FAM210A: variants seen among roughly 807,000 people sequenced by gnomAD.
FAM210A encodes family with sequence similarity 210 member A.
In FAM210A, 13 loss-of-function variants were observed where a neutral mutation model predicts 25.3. The observed-to-expected ratio is 0.51, with a 90% CI of 0.33 to 0.82. The LOEUF is 0.82. Among genes scored for constraint, FAM210A ranks in the 40% least tolerant of loss-of-function variants. The pLI is 0.02. For synonymous variants in FAM210A, 125 were observed against 118.7 expected (o/e 1.05, Z -0.35); for missense variants, 319 against 323.2 (o/e 0.99, Z 0.10).
At position 13,679,598 on chromosome 18, in the gene FAM210A, C is replaced by T. The variant is rs199634542; in HGVS notation, c.473+2007G>A. On this transcript the variant is annotated intron_variant, in intron 2 of 3. Coordinates refer to ENST00000651643, the MANE Select transcript of FAM210A (RefSeq NM_152352.4). ...CATCCTGCCCATTATAAATTCTCTA[C>T]GTGATGCTATGACAGAATTGACCCA... is the stretch of plus-strand genomic sequence containing the variant. Among the ~76,000 whole-genome samples, 4 of 152,258 alleles carry T rather than the reference C, an allele frequency of 2.6e-5. No individual in the cohort carries two copies. In the East Asian group the frequency reaches 7.7e-4, roughly 29 times the overall value.
chr18:13,720,501 T>G (rs2043890212), intron 1 of FAM210A, among the ~76,000 whole-genome samples: 1 of 152,160 alleles, frequency 6.6e-6, no homozygotes, highest in South Asian at 2.1e-4. Context: ...CCTACACTAC[T>G]CCAGTGGACC....
intron 2 of FAM210A, among the ~76,000 whole-genome samples, chr18:13,677,561 A>G (rs932968398): frequency 3.3e-5 from 5 of 152,242 alleles, no homozygotes; most frequent in Admixed American, 6.5e-5. Context: ...TAATTTACAG[A>G]TAACAGATTA....
At chr18:13,677,424 C>T (rs1465880619) in intron 2 of FAM210A, among the ~76,000 whole-genome samples, 3 of 152,080 alleles carry the variant, frequency 2.0e-5, no homozygotes, top group Non-Finnish European at 4.4e-5. Context: ...GTGAGAGGGT[C>T]GTGATCGACT....
chr18:13,667,545 CCA>C (rs2043410313), intron 3 of FAM210A, among the ~76,000 whole-genome samples: 1 of 151,856 alleles, frequency 6.6e-6, no homozygotes, highest in African/African-American at 2.4e-5. Flanking sequence ...ATGGTGAAAC[CCA>C]GTCTCTAATA....
chr18:13,698,351 C>CAAAAAAAAAAAAA (rs11464991), intron 1 of FAM210A, among the ~76,000 whole-genome samples: 2 of 72,944 alleles, frequency 2.7e-5, no homozygotes, highest in East Asian at 3.9e-4. Flanking sequence ...GACTCCATCT[C>CAAAAAAAAAAAAA]AAAAAAAAAA....
intron 3 of FAM210A, among the ~76,000 whole-genome samples, chr18:13,667,465 T>A (rs999709214): frequency 1.3e-5 from 2 of 152,216 alleles, no homozygotes; most frequent in African/African-American, 2.4e-5. Flanking sequence ...ATGCCTGTAA[T>A]CCCAGCACTT....
chr18:13,708,406 GC>G (rs1240554717), intron 1 of FAM210A, among the ~76,000 whole-genome samples: 1 of 152,182 alleles, frequency 6.6e-6, no homozygotes, highest in Non-Finnish European at 1.5e-5. Context: ...CTAATCTCCA[GC>G]CCTAGCCTTT....
At chr18:13,671,281 C>T (rs1382748024) in intron 3 of FAM210A, among the ~76,000 whole-genome samples, 1 of 152,050 alleles carries the variant, frequency 6.6e-6, no homozygotes, top group Non-Finnish European at 1.5e-5. Flanking sequence ...CTCCTTAAAA[C>T]CACACACAAA....
At chr18:13,684,112 C>T (rs946146901) in intron 1 of FAM210A, among the ~76,000 whole-genome samples, 6 of 152,146 alleles carry the variant, frequency 3.9e-5, no homozygotes, top group African/African-American at 1.4e-4. Context: ...AAAAGTGATA[C>T]TGGGCTGGGA....
At chr18:13,677,400 C>CT (rs1568477968) in intron 2 of FAM210A, among the ~76,000 whole-genome samples, 1 of 152,158 alleles carries the variant, frequency 6.6e-6, no homozygotes, top group East Asian at 1.9e-4. Flanking sequence ...GCTTACAACT[C>CT]TAAGGGGGTC....
At chr18:13,699,087 G>A (rs775614459) in intron 1 of FAM210A, among the ~76,000 whole-genome samples, 16 of 152,154 alleles carry the variant, frequency 1.1e-4, no homozygotes, top group African/African-American at 3.9e-4. Flanking sequence ...GATTACAGGC[G>A]TGAGCCACCG....
intron 1 of FAM210A, among the ~76,000 whole-genome samples, chr18:13,695,770 G>A (rs955143849): frequency 6.6e-6 from 1 of 151,794 alleles, no homozygotes; most frequent in Non-Finnish European, 1.5e-5. Flanking sequence ...TAAATGACGA[G>A]TTAATGGGTG....
intron 1 of FAM210A, among the ~76,000 whole-genome samples, chr18:13,718,086 C>A (rs2043874528): frequency 6.6e-6 from 1 of 152,092 alleles, no homozygotes; most frequent in South Asian, 2.1e-4. Flanking sequence ...GAGAATGCAG[C>A]CTGCTTGACA....
intron 1 of FAM210A, among the ~76,000 whole-genome samples, chr18:13,722,895 G>A (rs2043908351): frequency 6.6e-6 from 1 of 150,840 alleles, no homozygotes; most frequent in Non-Finnish European, 1.5e-5. Flanking sequence ...TCAGGTTGGA[G>A]TGCAGTGGTG....
At chr18:13,687,441 G>GA (rs1489869851) in intron 1 of FAM210A, among the ~76,000 whole-genome samples, 2 of 152,166 alleles carry the variant, frequency 1.3e-5, no homozygotes, top group African/African-American at 4.8e-5. Context: ...GCACCAGGGA[G>GA]AAGCAAAAAG....
At position 13,681,595 on chromosome 18, in the gene FAM210A, A is replaced by C; in HGVS notation, c.473+10T>G. On this transcript the variant is annotated intron_variant, in intron 2 of 3. Transcript: ENST00000651643. ...GACAGGGAAAGACATTCAACTAAGC[A>C]AAAACTTACTTCAAGGCTGCATAAT... The C allele has an allele frequency of 6.4e-7, 1 of 1,574,730 alleles. No individual in the cohort carries two copies. The highest frequency in any genetic ancestry group is 8.6e-7 in the Non-Finnish European group (1 of 1,163,284).
At chr18:13,696,669 A>C (rs2043696830) in intron 1 of FAM210A, among the ~76,000 whole-genome samples, 1 of 152,222 alleles carries the variant, frequency 6.6e-6, no homozygotes, top group Non-Finnish European at 1.5e-5. Flanking sequence ...GGGTAGGCCC[A>C]GGCTAATGTG....
intron 3 of FAM210A, among the ~76,000 whole-genome samples, chr18:13,667,590 G>A (rs1451605448): frequency 6.6e-6 from 1 of 152,102 alleles, no homozygotes; most frequent in African/African-American, 2.4e-5. Flanking sequence ...GTGGTGGCAG[G>A]CACCTGTAAT....
intron 1 of FAM210A, among the ~76,000 whole-genome samples, chr18:13,692,842 G>A (rs977588848): frequency 6.6e-6 from 1 of 152,002 alleles, no homozygotes; most frequent in African/African-American, 2.4e-5. Context: ...AAGAACTAGA[G>A]AAGCAAGAGC....
Sources: gnomAD v4.1 joint callset for allele counts (sites outside exome capture counted in the v4.1 genomes callset) on GRCh38, gnomAD v4.1.1 for gene constraint, MANE v1.5 for transcripts, NCBI Gene and HGNC (gene_info 2026-07-23, HGNC 2026-07-21) for gene names.